The following FREM1 variants were observed in gnomAD, a reference collection of about 807,000 sequenced individuals.
FREM1 encodes FRAS1-related extracellular matrix protein 1.
FREM1 carries 220 observed loss-of-function variants against 210.1 expected under a neutral mutation model. The ratio of observed to expected loss-of-function variants is 1.05; its 90% CI spans 0.94 to 1.17. FREM1 has a LOEUF of 1.17. Ranked by LOEUF, FREM1 falls within the 50% of genes most tolerant of loss-of-function variation. The pLI, the probability that FREM1 is intolerant of heterozygous loss-of-function variation, is 0.00. For synonymous variants in FREM1, 1,189 were observed against 980.2 expected (o/e 1.21, Z -3.98); for missense variants, 3,454 against 2,675.5 (o/e 1.29, Z -6.42).
intron 24 of FREM1, among the ~76,000 whole-genome samples, chr9:14,780,433 GAAAA>G (rs58017285): frequency 1.2e-5 from 1 of 81,536 alleles, no homozygotes; most frequent in East Asian, 3.4e-4. Flanking sequence ...CAGCTCCTCA[GAAAA>G]AAAAAAAAAA....
chr9:14,784,414 G>A lies in FREM1; in HGVS notation c.4398C>T (p.Cys1466=), dbSNP rs761053584. Reference sequence around the variant, plus strand: ...CAGTCACCTTGCTCTTGTGTACATAGCAAACTGTCTGCCCCACTACATCCA... The same window carrying A: ...CAGTCACCTTGCTCTTGTGTACATAACAAACTGTCTGCCCCACTACATCCA... ...SQMDVVGQTV[C]YVHKSKVTVS... is the part of the protein sequence containing the mutation. Residue 1466 remains cysteine, a synonymous_variant, in exon 24 of 37, where the codon TGC becomes TGT. Coordinates refer to ENST00000380880, the MANE Select transcript of FREM1 (RefSeq NM_001379081.2). 3.7e-6 allele frequency: 6 copies of A among 1,613,736 alleles called. No individual in the cohort carries two copies. The highest frequency in any genetic ancestry group is 5.1e-6 in the Non-Finnish European group (6 of 1,179,820).
At chr9:14,821,210 C>G (rs1242313361) in intron 13 of FREM1, among the ~76,000 whole-genome samples, 1 of 152,052 alleles carries the variant, frequency 6.6e-6, no homozygotes, top group Non-Finnish European at 1.5e-5. Context: ...CTCACTGAAG[C>G]TGCTAATTTA....
chr9:14,853,854 T>A (rs943348645), intron 5 of FREM1, among the ~76,000 whole-genome samples: 30 of 152,120 alleles, frequency 2.0e-4, no homozygotes, highest in Admixed American at 6.5e-5. Flanking sequence ...GAGGGGTAAA[T>A]TGTGATTTAG....
chr9:14,808,139 A>T lies in FREM1; in HGVS notation c.2894-5T>A. On this transcript the variant is annotated splice_region_variant and splice_polypyrimidine_tract_variant and intron_variant, in intron 16 of 36. Coordinates refer to ENST00000380880, the MANE Select transcript of FREM1 (RefSeq NM_001379081.2). Reference sequence around the variant, plus strand: ...GCATCAGGCCAATCTCGCCACCTGGAAGACACAACTATAGCTGAAACCTGC... The same window carrying T: ...GCATCAGGCCAATCTCGCCACCTGGTAGACACAACTATAGCTGAAACCTGC... 3 of 1,578,180 alleles carry T rather than the reference A, an allele frequency of 1.9e-6. No homozygotes were observed. Among genetic ancestry groups the T allele is most frequent in the Non-Finnish European group, 2.6e-6 (3 of 1,160,632 alleles).
chr9:14,751,521 G>A lies in FREM1; in HGVS notation c.5408-1245C>T, dbSNP rs186809676. Among the ~76,000 whole-genome samples the A allele has an allele frequency of 1.3e-3, 199 of 152,188 alleles. 1 individual carries two copies. The highest frequency in any genetic ancestry group is 4.6e-3 in the African/African-American group (190 of 41,528). On this transcript the variant is annotated intron_variant, in intron 29 of 36. Coordinates refer to ENST00000380880, the MANE Select transcript of FREM1 (RefSeq NM_001379081.2). ...AAACAAAAACAAAAATTAGGTGGGC[G>A]TGGTGGCACGTGCCTGTGATCTCAA...
chr9:14,873,184 A>C (rs1223260934), intron 1 of FREM1, among the ~76,000 whole-genome samples: 3 of 152,110 alleles, frequency 2.0e-5, no homozygotes, highest in Admixed American at 1.3e-4. Flanking sequence ...CTGGCCTCAT[A>C]AAATGAGTTA....
intron 10 of FREM1, among the ~76,000 whole-genome samples, chr9:14,826,841 C>T (rs997232132): frequency 4.6e-5 from 7 of 152,190 alleles, no homozygotes; most frequent in South Asian, 2.1e-4. Flanking sequence ...TATACAGCAA[C>T]GAGGCACCAT....
chr9:14,867,568 T>A (rs1831761453), intron 2 of FREM1, among the ~76,000 whole-genome samples: 1 of 152,182 alleles, frequency 6.6e-6, no homozygotes, highest in East Asian at 1.9e-4. Context: ...TCAGAATGGG[T>A]CTATAACTTG....
At chr9:14,878,554 T>C (rs1348966064) in intron 1 of FREM1, among the ~76,000 whole-genome samples, 2 of 152,212 alleles carry the variant, frequency 1.3e-5, no homozygotes, top group South Asian at 2.1e-4. Context: ...AACCACCTAA[T>C]ATAATGCATT....
intron 10 of FREM1, among the ~76,000 whole-genome samples, chr9:14,825,547 G>GTGTGTATATATATATATATATATATA: frequency 5.3e-5 from 4 of 75,898 alleles, no homozygotes; most frequent in African/African-American, 5.6e-5. Flanking sequence ...GTGTGTGTGT[G>GTGTGTATATATATATATATATATATA]TATATATATA....
In FREM1 at chr9:14,801,740, G is replaced by C. The variant is rs16932300; in HGVS notation, c.3606C>G (p.Ser1202Arg). The part of the protein sequence containing the change: ...RHGLLIDRGF[S>R]KDFSENKQPA... ...GCTGCTTATTCTCAGAGAAGTCTTT[G>C]CTAAACCCCCTATCGATGAGGAGGC... The change falls in exon 20 of 37, where the codon AGC becomes AGG. Residue 1202 changes from serine (S) to arginine (R), a missense_variant. Coordinates refer to ENST00000380880, the MANE Select transcript of FREM1 (RefSeq NM_001379081.2). The C allele has an allele frequency of 0.084, 135,311 of 1,613,552 alleles. 8,640 individuals carry two copies. Among genetic ancestry groups the C allele is most frequent in the African/African-American group, 0.33 (24,757 of 74,916 alleles).
intron 8 of FREM1, 124 bp from the exon 9 acceptor site, chr9:14,842,784 G>A: frequency 1.5e-6 from 1 of 660,988 alleles, no homozygotes; most frequent in Non-Finnish European, 2.6e-6. Flanking sequence ...CCCTCACCTG[G>A]AAAAACTACA....
intron 24 of FREM1, among the ~76,000 whole-genome samples, chr9:14,777,818 C>T (rs1475677903): frequency 2.0e-5 from 3 of 152,028 alleles, no homozygotes; most frequent in Admixed American, 6.6e-5. Flanking sequence ...GTGAAAGCAA[C>T]GAGTCAACCA....
chr9:14,876,941 G>A (rs1564149497), intron 1 of FREM1, among the ~76,000 whole-genome samples: 1 of 152,154 alleles, frequency 6.6e-6, no homozygotes. Flanking sequence ...ATAGGTAGAT[G>A]TCTCCCAAAA....
In FREM1 at chr9:14,823,695, C is replaced by G. The variant is rs187224535; in HGVS notation, c.2169+330G>C. 5.9e-5 allele frequency among the ~76,000 whole-genome samples: 9 copies of G among 152,244 alleles called. No individual in the cohort carries two copies. The East Asian group carries it at 1.7e-3, about 29-fold the overall frequency. ...GTATATTGTTGTCAGCCCTTGGAAA[C>G]TAATACAGTAAGATACTGAATAAAC... On this transcript the variant is annotated intron_variant, in intron 12 of 36. Coordinates refer to ENST00000380880, the MANE Select transcript of FREM1 (RefSeq NM_001379081.2).
chr9:14,894,060 A>C (rs1296838123), intron 1 of FREM1, among the ~76,000 whole-genome samples: 1 of 152,214 alleles, frequency 6.6e-6, no homozygotes, highest in Non-Finnish European at 1.5e-5. Flanking sequence ...ATTGTCTATA[A>C]GGTTTTATTA....
intron 1 of FREM1, among the ~76,000 whole-genome samples, chr9:14,869,519 A>G (rs1832196841): frequency 6.6e-6 from 1 of 152,234 alleles, no homozygotes; most frequent in African/African-American, 2.4e-5. Flanking sequence ...CCAGGAGGAA[A>G]CAGCCAGCCT....
intron 10 of FREM1, among the ~76,000 whole-genome samples, chr9:14,831,117 G>A (rs548704478): frequency 9.9e-5 from 15 of 152,268 alleles, no homozygotes; most frequent in South Asian, 2.1e-4. Flanking sequence ...TTGCCATCAC[G>A]TGAGGCTGGG....
rs761927519 is a variant in FREM1, at chr9:14,747,017, A to G, written c.6044T>C (p.Leu2015Pro). 1.9e-6 allele frequency: 3 copies of G among 1,613,138 alleles called. No individual in the cohort carries two copies. The East Asian group carries it at 6.7e-5, about 36-fold the overall frequency. ...AAAATGGAAGAGTCCCTTTAATTCC[A>G]GAGTGCAGTTCTTTGGAAATGAGGG... The part of the protein sequence containing the change: ...QLPSFPKNCT[L>P]ELKGLFHFEE... Residue 2015 changes from leucine (L) to proline (P), a missense_variant, in exon 34 of 37, where the codon CTG (leucine) becomes CCG (proline). Coordinates refer to ENST00000380880, the MANE Select transcript of FREM1 (RefSeq NM_001379081.2).
Sources: gnomAD v4.1 joint callset for allele counts (sites outside exome capture counted in the v4.1 genomes callset) on GRCh38, gnomAD v4.1.1 for gene constraint, MANE v1.5 for transcripts, NCBI Gene and HGNC (gene_info 2026-07-23, HGNC 2026-07-21) for gene names.